The following CALN1 variants were observed in gnomAD, a reference collection of about 807,000 sequenced individuals.
The protein encoded by CALN1 is calneuron 1, also known as calcium-binding protein 8.
CALN1 carries 17 observed loss-of-function variants against 30.6 expected under a neutral mutation model. The ratio of observed to expected loss-of-function variants is 0.56; its 90% CI spans 0.38 to 0.83. CALN1 has a LOEUF of 0.83. CALN1 is among the 40% of genes least tolerant of loss of function. CALN1 has a pLI of 0.00. For synonymous variants in CALN1, 156 were observed against 131.4 expected, an observed-to-expected ratio of 1.19 and a Z score of -1.28; for missense variants, 291 against 354.9, an observed-to-expected ratio of 0.82 and a Z score of 1.45.
Position 71,840,219 on chromosome 7 carries a change from T to C in CALN1, c.502-29727A>G, listed in dbSNP as rs184899120. Among the ~76,000 whole-genome samples, 974 of 148,288 alleles carry C rather than the reference T, an allele frequency of 6.6e-3. 5 individuals are homozygous for C. The highest frequency in any genetic ancestry group is 0.026 in the South Asian group (120 of 4,614). On this transcript the variant is annotated intron_variant, in intron 5 of 6. Coordinates refer to ENST00000395275, the MANE Select transcript of CALN1 (RefSeq NM_031468.4). ...GGCTCACACCTGTAATCCCAACACT[T>C]TGGGAGGCTGAAGCAGGAGCATTGC... is the stretch of plus-strand genomic sequence containing the variant.
At chr7:72,376,039 CATA>C (rs1277027130) in intron 2 of CALN1, among the ~76,000 whole-genome samples, 1 of 152,128 alleles carries the variant, frequency 6.6e-6, no homozygotes, top group Non-Finnish European at 1.5e-5. Flanking sequence ...CTTTGCCTAG[CATA>C]ATGTTTTTAA....
chr7:72,462,764 G>C, the CALN1 span, among the ~76,000 whole-genome samples: 1 of 152,216 alleles, frequency 6.6e-6, no homozygotes, highest in East Asian at 1.9e-4. Flanking sequence ...TGGAAGAGGA[G>C]AGATTTACAC....
intron 3 of CALN1, among the ~76,000 whole-genome samples, chr7:72,222,234 A>G (rs201831141): frequency 7.7e-5 from 2 of 26,092 alleles, no homozygotes; most frequent in Non-Finnish European, 1.4e-4. Flanking sequence ...TCAAAAAAAG[A>G]AAAAAAAAAA....
intron 2 of CALN1, among the ~76,000 whole-genome samples, chr7:72,399,437 A>G (rs572832016): frequency 1.3e-5 from 2 of 151,610 alleles, no homozygotes; most frequent in East Asian, 3.9e-4. Flanking sequence ...CCCCCAGCTA[A>G]TTTTTGTATT....
At chr7:72,326,091 C>T (rs535792204) in intron 2 of CALN1, among the ~76,000 whole-genome samples, 8 of 152,286 alleles carry the variant, frequency 5.3e-5, no homozygotes, top group South Asian at 2.1e-4. Flanking sequence ...TTAGTAGAGA[C>T]GCAGTTTCAC....
chr7:72,487,435 C>A, the CALN1 span, among the ~76,000 whole-genome samples: 2 of 151,862 alleles, frequency 1.3e-5, no homozygotes, highest in African/African-American at 2.4e-5. Context: ...CCTGTAATCC[C>A]AGCACTTTGG....
chr7:71,795,280 A>T (rs1786829501), intron 6 of CALN1, among the ~76,000 whole-genome samples: 1 of 152,046 alleles, frequency 6.6e-6, no homozygotes, highest in African/African-American at 2.4e-5. Context: ...TCGGCCTCCC[A>T]AAGTGCTGGG....
intron 5 of CALN1, among the ~76,000 whole-genome samples, chr7:71,892,156 C>T (rs1017561754): frequency 2.6e-5 from 4 of 152,076 alleles, no homozygotes; most frequent in Non-Finnish European, 2.9e-5. Context: ...ATTTTCATCA[C>T]TATTTAATAT....
At chr7:71,945,333 A>G (rs897248122) in intron 5 of CALN1, among the ~76,000 whole-genome samples, 1 of 152,202 alleles carries the variant, frequency 6.6e-6, no homozygotes, top group Non-Finnish European at 1.5e-5. Flanking sequence ...GCAACACAAA[A>G]TGGGCTAAGA....
chr7:71,914,818 CTA>C (rs1794603497), intron 5 of CALN1, among the ~76,000 whole-genome samples: 1 of 152,174 alleles, frequency 6.6e-6, no homozygotes, highest in African/African-American at 2.4e-5. Flanking sequence ...CTTCTTTTTC[CTA>C]TGATTGTTGG....
At chr7:72,358,086 A>AG (rs2129559616) in intron 2 of CALN1, among the ~76,000 whole-genome samples, 1 of 151,798 alleles carries the variant, frequency 6.6e-6, no homozygotes, top group South Asian at 2.1e-4. Flanking sequence ...CAAACTCCTG[A>AG]GCTCAAGTGA....
chr7:72,278,732 G>T lies in CALN1; in HGVS notation c.198C>A (p.Gly66=), dbSNP rs1212339988. The T allele has an allele frequency of 6.2e-7, 1 of 1,614,072 alleles. No individual in the cohort carries two copies. Among genetic ancestry groups the T allele is most frequent in the African/African-American group, 1.3e-5 (1 of 75,066 alleles). The change falls in exon 3 of 7, where the codon GGC becomes GGA. Residue 66 remains glycine (G), a synonymous_variant. Coordinates refer to ENST00000395275, the MANE Select transcript of CALN1 (RefSeq NM_031468.4). ...TATTAGCCAGCTGTTCGCTGTCACT[G>T]CCAGCAGAGAGCGATCGGTTGAGGT... ...GNYLNRSLSA[G]SDSEQLANIS...
intron 3 of CALN1, among the ~76,000 whole-genome samples, chr7:72,205,230 T>A (rs1791742449): frequency 6.6e-6 from 1 of 151,894 alleles, no homozygotes; most frequent in Admixed American, 6.6e-5. Flanking sequence ...TGAGATAGAG[T>A]CTTGCTCTGT....
At chr7:72,448,895 G>A (rs532673178), upstream of CALN1, among the ~76,000 whole-genome samples, 14 of 152,204 alleles carry the variant, frequency 9.2e-5, no homozygotes, top group Middle Eastern at 3.4e-3. Context: ...GTGAGCCACC[G>A]CACCCGGCCG....
intron 3 of CALN1, among the ~76,000 whole-genome samples, chr7:72,202,476 G>A (rs1429108150): frequency 2.6e-5 from 4 of 152,128 alleles, no homozygotes; most frequent in Non-Finnish European, 5.9e-5. Context: ...ACATATCCTG[G>A]CAGAATATGT....
At chr7:72,336,879 C>T (rs992733450) in intron 2 of CALN1, 8 of 985,102 alleles carry the variant, frequency 8.1e-6, no homozygotes, top group Non-Finnish European at 9.6e-6. Context: ...CCGGCATCCT[C>T]GCTGCCGCCG....
At chr7:71,836,971 C>T (rs1273016166) in intron 5 of CALN1, among the ~76,000 whole-genome samples, 1 of 150,864 alleles carries the variant, frequency 6.6e-6, no homozygotes, top group Non-Finnish European at 1.5e-5. Flanking sequence ...GTGGCTCCTG[C>T]CTGTAATCCC....
intron 5 of CALN1, among the ~76,000 whole-genome samples, chr7:71,926,642 T>C (rs1486847028): frequency 6.6e-6 from 1 of 152,224 alleles, no homozygotes; most frequent in Non-Finnish European, 1.5e-5. Flanking sequence ...TTTCAGACTA[T>C]CTGATATTAG....
chr7:72,026,455 AG>A (rs1233912984), intron 4 of CALN1, among the ~76,000 whole-genome samples: 1 of 152,050 alleles, frequency 6.6e-6, no homozygotes, highest in Non-Finnish European at 1.5e-5. Context: ...GTCTGGTGGC[AG>A]GTGCCTGTAA....
Sources: allele counts gnomAD v4.1 joint callset (sites outside exome capture counted in the v4.1 genomes callset), GRCh38; gene constraint gnomAD v4.1.1; transcripts MANE v1.5; gene names NCBI Gene and HGNC (gene_info 2026-07-23, HGNC 2026-07-21).